The following ZNF761 variants were observed in gnomAD, a reference collection of about 807,000 sequenced individuals.
ZNF761 encodes zinc finger protein 761.
A neutral mutation model predicts 59.9 loss-of-function variants in ZNF761; 43 were observed. The ratio of observed to expected loss-of-function variants is 0.72; its 90% confidence interval spans 0.56 to 0.92. The LOEUF is 0.92. Ranked by LOEUF, ZNF761 falls within the 40% of genes least tolerant of loss-of-function variation. ZNF761 has a pLI of 0.00. For synonymous variants in ZNF761, 294 were observed against 304.8 expected (o/e 0.96, Z 0.37); for missense variants, 850 against 906.1 (o/e 0.94, Z 0.79).
rs185204632 is a variant in ZNF761, at chr19:53,452,954, T to A, written c.143-1696T>A. ...TTATGTTTTTATTGTGCAATTTGAT[T>A]TATAAAATGTTTTCTCTGATCTTAG... On this transcript the variant is annotated intron_variant, in intron 4 of 4. Coordinates refer to ENST00000684525, the MANE Select transcript of ZNF761 (RefSeq NM_001289951.2). Among the ~76,000 whole-genome samples the A allele has an allele frequency of 3.3e-5, 5 of 152,340 alleles. No individual in the cohort carries two copies. The East Asian group carries it at 7.7e-4, about 24-fold the overall frequency.
chr19:53,455,647 A>T lies in ZNF761; in HGVS notation c.1140A>T (p.Lys380Asn), dbSNP rs745950584. The T allele has an allele frequency of 6.2e-7, 1 of 1,611,254 alleles. No individual in the cohort carries two copies. Among genetic ancestry groups the T allele is most frequent in the Admixed American group, 1.7e-5 (1 of 59,738 alleles). The change falls in exon 5 of 5, where the codon AAA becomes AAT. Residue 380 changes from lysine to asparagine, a missense_variant. Physicochemically the swap from Lys to Asn is moderately conservative, Grantham distance 94 (BLOSUM62 0). Coordinates refer to ENST00000684525, the MANE Select transcript of ZNF761 (RefSeq NM_001289951.2). ...ATCATAGACTTCATACTGGAGAGAA[A>T]CCCTACAAATGTAATGAGTGTGGCA... ...TCHHRLHTGE[K>N]PYKCNECGKT...
chr19:53,434,696 T>G (rs79938639), intron 1 of ZNF761, among the ~76,000 whole-genome samples: 26 of 152,328 alleles, frequency 1.7e-4, no homozygotes, highest in African/African-American at 6.3e-4. Flanking sequence ...AAGAGCTAGG[T>G]GCTTGAACTT....
intron 1 of ZNF761, among the ~76,000 whole-genome samples, chr19:53,436,117 TC>T (rs530852482): frequency 2.0e-5 from 3 of 152,280 alleles, no homozygotes; most frequent in African/African-American, 7.2e-5. Flanking sequence ...TGCTGGCTGT[TC>T]CACTTGTCCT....
rs200902393 is a variant in ZNF761 at position 53,449,628 on chromosome 19, G to A, written c.132G>A (p.Leu44=). ...TGATGCTGGAGAATTATAGGAACCT[G>A]GTCTCCCTGGGTGAGGATAACTTCC... ...RDVMLENYRN[L]VSLDISSKCT... Residue 44 remains leucine (L), a synonymous_variant, in exon 4 of 5, where the codon CTG becomes CTA. Coordinates refer to ENST00000684525, the MANE Select transcript of ZNF761 (RefSeq NM_001289951.2). The A allele has an allele frequency of 6.2e-5, 100 of 1,608,028 alleles. No individual in the cohort carries two copies. The highest frequency in any genetic ancestry group is 2.2e-4 in the Admixed American group (13 of 59,256).
rs72483991 is a variant in ZNF761, at chr19:53,455,544, G to A, written c.1037G>A (p.Arg346Gln). 1.1e-4 allele frequency: 176 copies of A among 1,613,932 alleles called. No homozygotes were observed. Among genetic ancestry groups the A allele is most frequent in the Middle Eastern group, 8.2e-4 (5 of 6,062 alleles). Reference sequence around the variant, plus strand: ...AAGTCAATCCTTACACGCCATCATCGACTTCATACTGGAGAGAAACCTTAC... The same window carrying A: ...AAGTCAATCCTTACACGCCATCATCAACTTCATACTGGAGAGAAACCTTAC... ...RQKSILTRHH[R>Q]LHTGEKPYKC... Residue 346 changes from arginine (R) to glutamine (Q), a missense_variant, in exon 5 of 5, where the codon CGA becomes CAA. Arg to Gln is a conservative substitution (Grantham distance 43, BLOSUM62 1). Coordinates refer to ENST00000684525, the MANE Select transcript of ZNF761 (RefSeq NM_001289951.2).
chr19:53,432,234 G>A (rs1178460833), intron 1 of ZNF761, among the ~76,000 whole-genome samples: 1 of 152,170 alleles, frequency 6.6e-6, no homozygotes, highest in Admixed American at 6.5e-5. Context: ...GGGTGTTTCT[G>A]CTACAGGGCA....
intron 4 of ZNF761, 191 bp downstream of exon 4, chr19:53,449,829 G>A (rs2086201137): frequency 3.6e-6 from 5 of 1,370,838 alleles, no homozygotes; most frequent in Non-Finnish European, 4.9e-6. Context: ...AGCTGGTACA[G>A]GTGCATGCCA....
Position 53,455,395 on chromosome 19 carries a change from A to G in ZNF761, c.888A>G (p.Lys296=). The change falls in exon 5 of 5, where the codon AAA becomes AAG. Residue 296 remains lysine (K), a synonymous_variant. Transcript: ENST00000684525. ...ATCGTAGACTTCATACTGGAGAGAA[A>G]CCTTACAAATGTGAAGAATGTGACA... ...TCHRRLHTGE[K]PYKCEECDKA... 6.2e-7 allele frequency: 1 copy of G among 1,614,006 alleles called. No homozygotes were observed. Among genetic ancestry groups the G allele is most frequent in the African/African-American group, 1.3e-5 (1 of 74,978 alleles).
chr19:53,442,081 C>T (rs2086106865), intron 1 of ZNF761: 1 of 951,112 alleles, frequency 1.1e-6, no homozygotes, highest in Admixed American at 1.9e-5. Context: ...TGGCCACTGC[C>T]CTGCAAAAGC....
chr19:53,442,511 T>G, intron 1 of ZNF761: 1 of 726,152 alleles, frequency 1.4e-6, no homozygotes, highest in South Asian at 1.4e-5. Flanking sequence ...AAAAGACAAT[T>G]GATGACTTGG....
rs1281147951 is a variant in ZNF761 at position 53,455,648 on chromosome 19, C to T, written c.1141C>T (p.Pro381Ser). The change falls in exon 5 of 5, where the codon CCC becomes TCC. Residue 381 changes from proline to serine, a missense_variant. Physicochemically the swap from Pro to Ser is moderately conservative, Grantham distance 74. Coordinates refer to ENST00000684525, the MANE Select transcript of ZNF761 (RefSeq NM_001289951.2). ...CHHRLHTGEK[P>S]YKCNECGKTF... The stretch of plus-strand genomic sequence containing the variant: ...TCATAGACTTCATACTGGAGAGAAA[C>T]CCTACAAATGTAATGAGTGTGGCAA... 6.2e-6 allele frequency: 10 copies of T among 1,613,004 alleles called. No homozygotes were observed. The highest frequency in any genetic ancestry group is 8.5e-6 in the Non-Finnish European group (10 of 1,179,824).
Position 53,455,830 on chromosome 19 carries a change from T to C in ZNF761, c.1323T>C (p.Asn441=). Residue 441 remains asparagine, a synonymous_variant, in exon 5 of 5, where the codon AAT becomes AAC. Coordinates refer to ENST00000684525, the MANE Select transcript of ZNF761 (RefSeq NM_001289951.2). ...IHTEDNAYKC[N]ECGKTFSRTS... ...CTGAAGACAATGCTTACAAGTGTAATGAGTGTGGAAAGACCTTTAGCCGGA... is the reference window on the plus strand; with the variant it reads ...CTGAAGACAATGCTTACAAGTGTAACGAGTGTGGAAAGACCTTTAGCCGGA... 1 of 1,613,758 alleles carries C rather than the reference T, an allele frequency of 6.2e-7. No individual in the cohort carries two copies. The highest frequency in any genetic ancestry group is 8.5e-7 in the Non-Finnish European group (1 of 1,179,956).
At chr19:53,454,547 G>C in intron 4 of ZNF761, 103 bp from the exon 5 acceptor site, 7 of 1,261,952 alleles carry the variant, frequency 5.5e-6, no homozygotes, top group Non-Finnish European at 6.4e-6. Context: ...GTCATGTTTG[G>C]AAAGTTTAAA....
At chr19:53,443,571 C>A (rs1205558130) in intron 1 of ZNF761, 1 of 152,202 alleles carries the variant, frequency 6.6e-6, no homozygotes, top group Non-Finnish European at 1.5e-5. Flanking sequence ...AGCACATGAT[C>A]TATAGGTGTG....
At chr19:53,445,918 T>A (rs2617741) in intron 1 of ZNF761, among the ~76,000 whole-genome samples, 1 of 151,918 alleles carries the variant, frequency 6.6e-6, no homozygotes. Flanking sequence ...CCCCTGCCAG[T>A]GTCCAGCCTC....
chr19:53,445,707 A>C (rs561783357), intron 1 of ZNF761, among the ~76,000 whole-genome samples: 5 of 152,312 alleles, frequency 3.3e-5, no homozygotes, highest in African/African-American at 1.2e-4. Flanking sequence ...TTTTTTAAAA[A>C]AACGTGAAAG....
intron 1 of ZNF761, among the ~76,000 whole-genome samples, chr19:53,437,665 G>C (rs1262358459): frequency 1.3e-5 from 2 of 152,126 alleles, no homozygotes; most frequent in East Asian, 1.9e-4. Flanking sequence ...CCTTTTGGTG[G>C]CCTCTGCAAT....
intron 3 of ZNF761, among the ~76,000 whole-genome samples, chr19:53,448,262 C>G (rs1162723675): frequency 1.3e-5 from 2 of 152,240 alleles, no homozygotes; most frequent in Non-Finnish European, 2.9e-5. Context: ...CGCAGTCTCC[C>G]AGAGTGCTGG....
rs894152177 is a variant in ZNF761, at chr19:53,457,530, C to A, written c.*782C>A. The A allele has an allele frequency of 8.5e-6, 3 of 352,118 alleles. No individual in the cohort carries two copies. The highest frequency in any genetic ancestry group is 4.1e-5 in the Admixed American group (1 of 24,498). 21.8% of individuals were successfully genotyped at this position (352,118 alleles called of 1,614,324 possible). A position where few individuals can be genotyped will look rare whatever the true frequency, so the allele number is the denominator to read the frequency against. On this transcript the variant is annotated 3_prime_UTR_variant, in exon 5 of 5. Transcript: ENST00000684525. ...CCAAGGTCTTCAGTCTGAGTTCACT[C>A]CTTGCAGAATATGAGAAAATTCATT... is the stretch of plus-strand genomic sequence containing the variant.
Sources: allele counts gnomAD v4.1 joint callset (sites outside exome capture counted in the v4.1 genomes callset), GRCh38; gene constraint gnomAD v4.1.1; transcripts MANE v1.5; gene names NCBI Gene and HGNC (gene_info 2026-07-23, HGNC 2026-07-21).